The following ITPRID1 variants were observed in gnomAD, a reference collection of about 807,000 sequenced individuals.
ITPRID1 encodes ITPR interacting domain containing 1.
In ITPRID1, 96 loss-of-function variants were observed where a neutral mutation model predicts 95.4. That is an observed-to-expected ratio of 1.01 (90% confidence interval 0.85 to 1.19). The LOEUF (loss-of-function observed/expected upper bound fraction) is 1.19. Ranked by LOEUF, ITPRID1 falls within the 50% of genes most tolerant of loss-of-function variation. ITPRID1 has a pLI of 0.00. For synonymous variants in ITPRID1, 510 were observed against 453.6 expected (o/e 1.12, Z -1.58); for missense variants, 1,339 against 1,252.9 (o/e 1.07, Z -1.04).
At chr7:31,657,668 A>G (rs1242248892), downstream of ITPRID1, among the ~76,000 whole-genome samples, 1 of 152,016 alleles carries the variant, frequency 6.6e-6, no homozygotes, top group Non-Finnish European at 1.5e-5. Flanking sequence ...AAGTCCCAAG[A>G]TCCTGTATTC....
intron 5 of ITPRID1, 200 bp downstream of exon 5, chr7:31,555,101 G>A (rs1036503851): frequency 3.7e-6 from 2 of 543,200 alleles, no homozygotes; most frequent in African/African-American, 3.8e-5. Flanking sequence ...AGCAGGTTAA[G>A]GGCCGAACCC....
At chr7:31,552,592 T>C (rs1784317032) in intron 2 of ITPRID1, among the ~76,000 whole-genome samples, 1 of 152,028 alleles carries the variant, frequency 6.6e-6, no homozygotes, top group South Asian at 2.1e-4. Flanking sequence ...AGCCAATCTG[T>C]TGCCAAAGCC....
chr7:31,523,507 T>C (rs1240378818), intron 1 of ITPRID1, among the ~76,000 whole-genome samples: 2 of 152,210 alleles, frequency 1.3e-5, no homozygotes, highest in African/African-American at 4.8e-5. Context: ...TGAATACTTG[T>C]TCCTGCCCAA....
At chr7:31,546,980 G>A (rs1168870474) in intron 1 of ITPRID1, among the ~76,000 whole-genome samples, 1 of 152,092 alleles carries the variant, frequency 6.6e-6, no homozygotes, top group Non-Finnish European at 1.5e-5. Flanking sequence ...AAGCTTTGAG[G>A]TAGGAGAAAA....
chr7:31,520,668 T>C (rs528302130), intron 1 of ITPRID1, among the ~76,000 whole-genome samples: 2 of 152,112 alleles, frequency 1.3e-5, no homozygotes, highest in East Asian at 1.9e-4. Flanking sequence ...ATCAGAATGG[T>C]TTTAGAAACC....
intron 1 of ITPRID1, among the ~76,000 whole-genome samples, chr7:31,541,969 C>T (rs1439074186): frequency 6.6e-6 from 1 of 152,162 alleles, no homozygotes; most frequent in Non-Finnish European, 1.5e-5. Context: ...ATTTCCTTTA[C>T]AATTAACCTT....
intron 10 of ITPRID1, among the ~76,000 whole-genome samples, chr7:31,615,686 C>CTAATTACCAAGATCATTACTAAT (rs3078453): frequency 1.3e-5 from 2 of 151,686 alleles, no homozygotes; most frequent in Non-Finnish European, 2.9e-5. Flanking sequence ...AAGATCATTA[C>CTAATTACCAAGATCATTACTAAT]TAATAACATA....
chr7:31,588,929 C>T (rs1270536657), intron 10 of ITPRID1, among the ~76,000 whole-genome samples: 1 of 151,952 alleles, frequency 6.6e-6, no homozygotes, highest in Non-Finnish European at 1.5e-5. Context: ...TCACAATATT[C>T]AGGAACAATA....
At chr7:31,518,184 T>C (rs1783109395) in intron 1 of ITPRID1, 1 of 152,146 alleles carries the variant, frequency 6.6e-6, no homozygotes, top group Non-Finnish European at 1.5e-5. Flanking sequence ...ACTTTGAAGA[T>C]GAAGAAGCCA....
chr7:31,615,304 G>A (rs1370882318), intron 10 of ITPRID1, among the ~76,000 whole-genome samples: 1 of 152,096 alleles, frequency 6.6e-6, no homozygotes, highest in Non-Finnish European at 1.5e-5. Flanking sequence ...TATTACTTGT[G>A]TAATCTACGG....
intron 10 of ITPRID1, among the ~76,000 whole-genome samples, chr7:31,618,872 T>G (rs1445276098): frequency 6.6e-6 from 1 of 152,220 alleles, no homozygotes; most frequent in Non-Finnish European, 1.5e-5. Flanking sequence ...TTATAAAATA[T>G]GCTTTGTTGT....
At chr7:31,589,597 C>T (rs1458600794) in intron 10 of ITPRID1, among the ~76,000 whole-genome samples, 1 of 152,006 alleles carries the variant, frequency 6.6e-6, no homozygotes, top group Non-Finnish European at 1.5e-5. Context: ...AAAGCAGGCA[C>T]ACAAAAATGA....
intron 12 of ITPRID1, 124 bp from the exon 13 acceptor site, chr7:31,651,018 A>T: frequency 9.9e-7 from 1 of 1,008,816 alleles, no homozygotes; most frequent in Non-Finnish European, 1.4e-6. Context: ...CCTCCCCCTT[A>T]TATTAGCAGT....
rs143657989 is a variant in ITPRID1 at position 31,519,723 on chromosome 7, T to A, written c.-98+5603T>A. Among the ~76,000 whole-genome samples, 72 of 149,258 alleles carry A rather than the reference T, an allele frequency of 4.8e-4. No homozygotes were observed. The East Asian group carries it at 9.7e-3, about 20-fold the overall frequency. ...AATATCTTATTTTAGAATCACTGAA[T>A]CTCAGAGTTGGAGTAGGTTTACAAA... is the stretch of plus-strand genomic sequence containing the variant. On this transcript the variant is annotated intron_variant, in intron 1 of 14. Coordinates refer to ENST00000615280, the MANE Select transcript of ITPRID1 (RefSeq NM_001257967.3).
At position 31,651,933 on chromosome 7, in the gene ITPRID1, T is replaced by C. The variant is rs1229037839; in HGVS notation, c.2712-6T>C. 2 of 1,577,876 alleles carry C rather than the reference T, an allele frequency of 1.3e-6. No homozygotes were observed. The highest frequency in any genetic ancestry group is 1.7e-6 in the Non-Finnish European group (2 of 1,160,528). On this transcript the variant is annotated splice_region_variant and splice_polypyrimidine_tract_variant and intron_variant, in intron 13 of 14. Coordinates refer to ENST00000615280, the MANE Select transcript of ITPRID1 (RefSeq NM_001257967.3). ...AATTTGGTTATTTTCTATTATTTAC[T>C]TGCAGGGAGGAGGCCGAGCAACTGC...
intron 10 of ITPRID1, among the ~76,000 whole-genome samples, chr7:31,613,558 G>C (rs1197610673): frequency 6.6e-6 from 1 of 152,014 alleles, no homozygotes; most frequent in Non-Finnish European, 1.5e-5. Flanking sequence ...TGCTCTGTTT[G>C]TTAGTCAGTA....
chr7:31,596,307 C>A (rs1786086923), intron 10 of ITPRID1, among the ~76,000 whole-genome samples: 1 of 151,284 alleles, frequency 6.6e-6, no homozygotes, highest in Non-Finnish European at 1.5e-5. Flanking sequence ...TAGATAATTT[C>A]TTGTTTATGT....
intron 10 of ITPRID1, among the ~76,000 whole-genome samples, chr7:31,622,059 C>T (rs2128179728): frequency 7.1e-6 from 1 of 141,540 alleles, no homozygotes; most frequent in East Asian, 2.1e-4. Flanking sequence ...AGCTAACTAT[C>T]CTAAATATAT....
At chr7:31,586,400 C>A (rs2128151438) in intron 10 of ITPRID1, among the ~76,000 whole-genome samples, 1 of 151,854 alleles carries the variant, frequency 6.6e-6, no homozygotes, top group African/African-American at 2.4e-5. Flanking sequence ...TTCTAGATCC[C>A]TGAGGAGTCG....
Sources: gnomAD v4.1 joint callset for allele counts (sites outside exome capture counted in the v4.1 genomes callset) on GRCh38, gnomAD v4.1.1 for gene constraint, MANE v1.5 for transcripts, NCBI Gene and HGNC (gene_info 2026-07-23, HGNC 2026-07-21) for gene names.